Variants in CPVL observed in about 807,000 individuals in gnomAD.
CPVL encodes the protein carboxypeptidase vitellogenic like, also known as probable serine carboxypeptidase CPVL.
CPVL carries 51 observed loss-of-function variants against 63.7 expected under a neutral mutation model. The observed-to-expected ratio is 0.80, with a 90% CI of 0.64 to 1.01. The LOEUF is 1.01. Ranked by LOEUF, CPVL falls within the 50% of genes least tolerant of loss-of-function variation. The pLI is 0.00. For synonymous variants in CPVL, 195 were observed against 206.0 expected (o/e 0.95, Z 0.46); for missense variants, 530 against 573.1 (o/e 0.92, Z 0.77).
intron 5 of CPVL, among the ~76,000 whole-genome samples, chr7:29,168,751 CATTAT>C (rs1319239186): frequency 6.6e-6 from 1 of 152,160 alleles, no homozygotes; most frequent in Non-Finnish European, 1.5e-5. Context: ...ACTATTTTTC[CATTAT>C]ATTATGCTAA....
chr7:29,034,946 C>T (rs1268283157), intron 11 of CPVL, among the ~76,000 whole-genome samples: 2 of 150,490 alleles, frequency 1.3e-5, no homozygotes, highest in African/African-American at 4.9e-5. Context: ...TGTAAGAATT[C>T]AAATACTACC....
At chr7:29,032,856 C>T (rs1464328929) in intron 11 of CPVL, among the ~76,000 whole-genome samples, 3 of 152,070 alleles carry the variant, frequency 2.0e-5, no homozygotes, top group Admixed American at 6.6e-5. Context: ...TAGCAAAGTC[C>T]CCATGTTACA....
At chr7:29,097,877 G>A (rs1271950792) in intron 3 of CPVL, among the ~76,000 whole-genome samples, 4 of 152,202 alleles carry the variant, frequency 2.6e-5, no homozygotes, top group African/African-American at 9.6e-5. Context: ...AGACAGCAGA[G>A]CTGTGCACAA....
At chr7:29,188,106 T>C (rs541209959) in intron 1 of CPVL, among the ~76,000 whole-genome samples, 1 of 152,328 alleles carries the variant, frequency 6.6e-6, no homozygotes, top group Admixed American at 6.5e-5. Flanking sequence ...CAGACTTTAA[T>C]TCTCACAGAT....
At chr7:28,997,862 A>C (rs763473303) in intron 12 of CPVL, among the ~76,000 whole-genome samples, 108 of 152,350 alleles carry the variant, frequency 7.1e-4, no homozygotes, top group African/African-American at 2.5e-3. Flanking sequence ...CACATATTAC[A>C]GTGAGGGAGG....
chr7:29,070,201 T>G lies in CPVL; in HGVS notation c.864+1572A>C, dbSNP rs555768568. 8.5e-5 allele frequency among the ~76,000 whole-genome samples: 13 copies of G among 152,320 alleles called. No homozygotes were observed. In the East Asian group the frequency reaches 2.5e-3, roughly 29 times the overall value. Reference sequence around the variant, plus strand: ...GGTTCCGGTTTCTGACGTATCCGGTTTGGGAGAGATTCTCACCTCGTGGGT... The same window carrying G: ...GGTTCCGGTTTCTGACGTATCCGGTGTGGGAGAGATTCTCACCTCGTGGGT... On this transcript the variant is annotated intron_variant, in intron 9 of 12. Coordinates refer to ENST00000265394, the MANE Select transcript of CPVL (RefSeq NM_031311.5).
exon 2 of CPVL, chr7:29,186,527 A>G (rs1459733697): frequency 6.6e-6 from 1 of 151,678 alleles, no homozygotes; most frequent in Non-Finnish European, 1.5e-5. Context: ...GTGAGCTGTG[A>G]TCGTGTCACT....
rs532597815 is a variant in CPVL, at chr7:28,999,645, C to G, written c.1321-3763G>C. Among the ~76,000 whole-genome samples, 13 of 152,294 alleles carry G rather than the reference C, an allele frequency of 8.5e-5. No homozygotes were observed. The East Asian group carries it at 2.1e-3, about 25-fold the overall frequency. ...AGGAGCGCTGAAGGGGTCAGGTGTT[C>G]TTACTCTTCCTCTCAGTGACCTACC... On this transcript the variant is annotated intron_variant, in intron 12 of 12. Transcript: ENST00000265394.
intron 11 of CPVL, 64 bp downstream of exon 11, chr7:29,063,995 TAC>T (rs1782899935): frequency 8.8e-7 from 1 of 1,138,866 alleles, no homozygotes. Context: ...GGACTCAAAT[TAC>T]AAATCACTTC....
chr7:29,145,610 G>C (rs1421730903), intron 1 of CPVL, among the ~76,000 whole-genome samples: 7 of 151,740 alleles, frequency 4.6e-5, no homozygotes, highest in African/African-American at 1.7e-4. Flanking sequence ...TAACTGATAA[G>C]GAAAATTACA....
intron 11 of CPVL, among the ~76,000 whole-genome samples, chr7:29,058,666 GA>G (rs1411711967): frequency 1.3e-5 from 2 of 152,108 alleles, no homozygotes; most frequent in African/African-American, 4.8e-5. Flanking sequence ...GCAAGGTGCA[GA>G]ATTCTAAGTT....
At chr7:29,092,771 C>CA in intron 5 of CPVL, 69 bp from the exon 6 acceptor site, 1 of 1,096,602 alleles carries the variant, frequency 9.1e-7, no homozygotes, top group Non-Finnish European at 1.4e-6. Context: ...GCAGAGAGGT[C>CA]CCACACTGGA....
At chr7:29,092,467 CTCTG>C (rs1396421190) in intron 6 of CPVL, among the ~76,000 whole-genome samples, 152 bp downstream of exon 6, 2 of 152,164 alleles carry the variant, frequency 1.3e-5, no homozygotes, top group Admixed American at 6.5e-5. Flanking sequence ...AAAAATTCTG[CTCTG>C]TGTGTGTGGA....
intron 3 of CPVL, among the ~76,000 whole-genome samples, chr7:29,097,449 C>T (rs1239332134): frequency 1.3e-5 from 2 of 152,206 alleles, no homozygotes; most frequent in Non-Finnish European, 2.9e-5. Flanking sequence ...AATCCCAGCA[C>T]TTTGGGAGGC....
intron 12 of CPVL, among the ~76,000 whole-genome samples, chr7:29,006,529 C>T (rs1785213325): frequency 6.6e-6 from 1 of 152,148 alleles, no homozygotes; most frequent in Non-Finnish European, 1.5e-5. Context: ...GATAGAATTT[C>T]AAGACCATGC....
intron 3 of CPVL, among the ~76,000 whole-genome samples, chr7:29,107,394 A>G (rs553601281): frequency 6.6e-6 from 1 of 152,328 alleles, no homozygotes; most frequent in African/African-American, 2.4e-5. Context: ...GGATATTTTT[A>G]TACTTAACTA....
At chr7:29,066,805 G>A (rs954295763) in intron 9 of CPVL, among the ~76,000 whole-genome samples, 1 of 152,226 alleles carries the variant, frequency 6.6e-6, no homozygotes, top group Non-Finnish European at 1.5e-5. Context: ...AGAGCAGTCA[G>A]CATGGTTGCA....
At chr7:29,172,260 A>G (rs909452385) in intron 5 of CPVL, among the ~76,000 whole-genome samples, 5 of 152,168 alleles carry the variant, frequency 3.3e-5, no homozygotes, top group Admixed American at 2.6e-4. Flanking sequence ...GAGTTCTTGA[A>G]AGCATGGTTG....
At chr7:29,140,094 C>G (rs1791701428) in intron 1 of CPVL, among the ~76,000 whole-genome samples, 1 of 152,284 alleles carries the variant, frequency 6.6e-6, no homozygotes, top group East Asian at 1.9e-4. Context: ...TTCCCTGCAA[C>G]CTACCTACCC....
Sources: gnomAD v4.1 joint callset for allele counts (sites outside exome capture counted in the v4.1 genomes callset) on GRCh38, gnomAD v4.1.1 for gene constraint, MANE v1.5 for transcripts, NCBI Gene and HGNC (gene_info 2026-07-23, HGNC 2026-07-21) for gene names.